Variants in CNTNAP5 observed in about 807,000 individuals in gnomAD.
CNTNAP5 encodes the protein contactin-associated protein-like 5.
A neutral mutation model predicts 150.2 loss-of-function variants in CNTNAP5; 72 were observed. The observed-to-expected ratio is 0.48, with a 90% CI of 0.40 to 0.58. The LOEUF (loss-of-function observed/expected upper bound fraction) is 0.58. Among genes scored for constraint, CNTNAP5 ranks in the 20% least tolerant of loss-of-function variants. The pLI is 0.00. For missense variants in CNTNAP5, 1,636 were observed against 1,626.2 expected, an observed-to-expected ratio of 1.01 and a Z score of -0.10; for synonymous variants, 672 against 619.8, an observed-to-expected ratio of 1.08 and a Z score of -1.25.
chr2:124,658,313 T>C (rs1678501527), intron 13 of CNTNAP5, among the ~76,000 whole-genome samples: 1 of 152,194 alleles, frequency 6.6e-6, no homozygotes, highest in African/African-American at 2.4e-5. Flanking sequence ...TGATGTTTTA[T>C]GGGCCACAGG....
chr2:124,846,686 C>T (rs1442696429), intron 19 of CNTNAP5, among the ~76,000 whole-genome samples: 1 of 152,128 alleles, frequency 6.6e-6, no homozygotes, highest in East Asian at 1.9e-4. Flanking sequence ...CTGATTCCTT[C>T]TCATTTGGGT....
chr2:124,279,391 C>A (rs1687960909), intron 3 of CNTNAP5, among the ~76,000 whole-genome samples: 5 of 151,922 alleles, frequency 3.3e-5, no homozygotes, highest in Admixed American at 2.6e-4. Flanking sequence ...TGACACCTAC[C>A]AGAAAACAGA....
chr2:124,030,625 C>T (rs371190253), intron 1 of CNTNAP5, among the ~76,000 whole-genome samples: 150 of 151,896 alleles, frequency 9.9e-4, no homozygotes, highest in African/African-American at 3.5e-3. Context: ...TAGCAGTTAG[C>T]ACCACAGCCA....
At chr2:124,835,182 T>C (rs1373268345) in intron 19 of CNTNAP5, among the ~76,000 whole-genome samples, 2 of 152,132 alleles carry the variant, frequency 1.3e-5, no homozygotes, top group Non-Finnish European at 2.9e-5. Context: ...ATTTCCACAT[T>C]GCTACATATT....
intron 7 of CNTNAP5, among the ~76,000 whole-genome samples, chr2:124,480,908 G>A (rs1693748949): frequency 6.6e-6 from 1 of 151,986 alleles, no homozygotes; most frequent in Admixed American, 6.6e-5. Flanking sequence ...AGGAAAATTG[G>A]AATTAAATAG....
At chr2:124,183,955 C>G (rs1685268525) in intron 1 of CNTNAP5, among the ~76,000 whole-genome samples, 1 of 152,124 alleles carries the variant, frequency 6.6e-6, no homozygotes, top group Admixed American at 6.5e-5. Context: ...GTGATTAAGT[C>G]TCAGCAGATA....
At chr2:124,815,370 G>C (rs1024337271) in intron 19 of CNTNAP5, among the ~76,000 whole-genome samples, 1 of 152,166 alleles carries the variant, frequency 6.6e-6, no homozygotes, top group South Asian at 2.1e-4. Context: ...GGCTGCCCTT[G>C]TCTTACAAAT....
chr2:124,692,197 T>C (rs1018437387), intron 13 of CNTNAP5, among the ~76,000 whole-genome samples: 1 of 152,064 alleles, frequency 6.6e-6, no homozygotes, highest in Admixed American at 6.6e-5. Flanking sequence ...AATATCACAT[T>C]AGAAAGCAAC....
intron 13 of CNTNAP5, among the ~76,000 whole-genome samples, chr2:124,655,945 G>GAAAGAAAGAAATAAAGAAAGAAAGAA (rs1553427799): frequency 1.8e-5 from 1 of 55,520 alleles, no homozygotes; most frequent in African/African-American, 7.5e-5. Context: ...GAGAGAGAGA[G>GAAAGAAAGAAATAAAGAAAGAAAGAA]AGAAAGAAAG....
intron 6 of CNTNAP5, among the ~76,000 whole-genome samples, chr2:124,468,202 G>A (rs567947762): frequency 6.6e-6 from 1 of 152,090 alleles, no homozygotes; most frequent in Non-Finnish European, 1.5e-5. Flanking sequence ...TTATTAAGGA[G>A]AATTGACTCA....
intron 19 of CNTNAP5, among the ~76,000 whole-genome samples, chr2:124,822,308 T>C (rs1325198644): frequency 6.6e-6 from 1 of 152,164 alleles, no homozygotes; most frequent in Non-Finnish European, 1.5e-5. Context: ...TGATTTGTAT[T>C]TTTCCATTAA....
chr2:124,463,091 G>A (rs1412141899), intron 6 of CNTNAP5, among the ~76,000 whole-genome samples: 5 of 152,308 alleles, frequency 3.3e-5, no homozygotes, highest in Admixed American at 6.5e-5. Flanking sequence ...GGATATGACC[G>A]AGGAAGACCA....
chr2:124,437,963 C>A lies in CNTNAP5; in HGVS notation c.733+3276C>A, dbSNP rs530902063. On this transcript the variant is annotated intron_variant, in intron 5 of 23. Coordinates refer to ENST00000682447, the MANE Select transcript of CNTNAP5 (RefSeq NM_001367498.1). ...TATTCATTTTCTAATCAGTTACTTG[C>A]AATTCAGAAATTCAGGCTAAGAGTG... 4.0e-4 allele frequency among the ~76,000 whole-genome samples: 61 copies of A among 152,252 alleles called. No individual in the cohort carries two copies. In the Middle Eastern group the frequency reaches 0.014, roughly 34 times the overall value.
chr2:124,842,171 T>A (rs1292632787), intron 19 of CNTNAP5, among the ~76,000 whole-genome samples: 2 of 152,116 alleles, frequency 1.3e-5, no homozygotes, highest in African/African-American at 4.8e-5. Flanking sequence ...GTAAATTATA[T>A]ATAAATAAGA....
intron 1 of CNTNAP5, among the ~76,000 whole-genome samples, chr2:124,045,180 G>A (rs1304189969): frequency 1.3e-5 from 2 of 152,040 alleles, no homozygotes; most frequent in Non-Finnish European, 2.9e-5. Flanking sequence ...AAACAAGCAA[G>A]CTTAATAACA....
intron 8 of CNTNAP5, among the ~76,000 whole-genome samples, chr2:124,510,790 C>A (rs1376166524): frequency 6.6e-6 from 1 of 152,138 alleles, no homozygotes; most frequent in African/African-American, 2.4e-5. Context: ...ACTGAAAGAT[C>A]TGATCCATGT....
rs1185618436 is a variant in CNTNAP5 at position 124,916,557 on chromosome 2, A to G, written c.*2269A>G. ...TAAAGCTGGAACTCTTCATTATTCA[A>G]TCTTTGAGCAGTGAGGACTATGTTT... is the stretch of plus-strand genomic sequence containing the variant. On this transcript the variant is annotated 3_prime_UTR_variant, in exon 24 of 24. Coordinates refer to ENST00000682447, the MANE Select transcript of CNTNAP5 (RefSeq NM_001367498.1). Among the ~76,000 whole-genome samples the G allele has an allele frequency of 4.6e-5, 7 of 152,120 alleles. No individual in the cohort carries two copies. In the East Asian group the frequency reaches 5.8e-4, roughly 13 times the overall value.
chr2:124,571,776 C>A (rs112464382), intron 11 of CNTNAP5, among the ~76,000 whole-genome samples: 3 of 151,268 alleles, frequency 2.0e-5, no homozygotes, highest in Admixed American at 2.0e-4. Flanking sequence ...AGGTGATCCA[C>A]CCATCTCAGC....
At chr2:124,071,645 C>A (rs1037427473) in intron 1 of CNTNAP5, among the ~76,000 whole-genome samples, 6 of 151,774 alleles carry the variant, frequency 4.0e-5, no homozygotes, top group African/African-American at 1.4e-4. Flanking sequence ...CACAGCCTGC[C>A]AAGATTGAAC....
Sources: allele counts gnomAD v4.1 joint callset (sites outside exome capture counted in the v4.1 genomes callset), GRCh38; gene constraint gnomAD v4.1.1; transcripts MANE v1.5; gene names NCBI Gene and HGNC (gene_info 2026-07-23, HGNC 2026-07-21).